Variants in MTUS1 observed in about 807,000 individuals in gnomAD.
MTUS1 encodes microtubule-associated tumor suppressor 1.
MTUS1 carries 109 observed loss-of-function variants against 120.8 expected under a neutral mutation model. The ratio of observed to expected loss-of-function variants is 0.90; its 90% CI spans 0.77 to 1.06. The LOEUF is 1.06. Among genes scored for constraint, MTUS1 ranks in the 50% least tolerant of loss-of-function variants. MTUS1 has a pLI of 0.00. For synonymous variants in MTUS1, 737 were observed against 550.5 expected, an observed-to-expected ratio of 1.34 and a Z score of -4.74; for missense variants, 2,210 against 1,486.3, an observed-to-expected ratio of 1.49 and a Z score of -8.01.
At chr8:17,658,228 G>A (rs1808886759) in intron 8 of MTUS1, among the ~76,000 whole-genome samples, 2 of 152,104 alleles carry the variant, frequency 1.3e-5, no homozygotes, top group Admixed American at 6.6e-5. Context: ...TAGACACATG[G>A]TTTTACCATG....
intron 1 of MTUS1, among the ~76,000 whole-genome samples, chr8:17,778,858 A>C (rs414729): frequency 0.037 from 5,563 of 152,166 alleles, 366 homozygotes; most frequent in African/African-American, 0.13. Flanking sequence ...TCAGACACCA[A>C]ACCAAAGCTA....
chr8:17,703,817 C>T (rs1432762093), intron 6 of MTUS1, among the ~76,000 whole-genome samples: 1 of 151,966 alleles, frequency 6.6e-6, no homozygotes, highest in Non-Finnish European at 1.5e-5. Flanking sequence ...GAACATAGAC[C>T]CTTATCAGGA....
At chr8:17,729,115 C>G (rs995476938) in intron 3 of MTUS1, among the ~76,000 whole-genome samples, 3 of 152,188 alleles carry the variant, frequency 2.0e-5, no homozygotes, top group East Asian at 1.9e-4. Context: ...ATGTCTGTAG[C>G]TATAATTATA....
chr8:17,737,499 A>G (rs1276787648), intron 3 of MTUS1, among the ~76,000 whole-genome samples: 1 of 152,198 alleles, frequency 6.6e-6, no homozygotes, highest in Non-Finnish European at 1.5e-5. Flanking sequence ...AATTTTATTC[A>G]CATTTCAGAG....
At chr8:17,650,977 G>T (rs80242417) in intron 12 of MTUS1, among the ~76,000 whole-genome samples, 1 of 152,158 alleles carries the variant, frequency 6.6e-6, no homozygotes, top group Admixed American at 6.5e-5. Context: ...CCAATCCTTA[G>T]GGAGAATCCA....
intron 2 of MTUS1, among the ~76,000 whole-genome samples, chr8:17,746,248 A>C (rs916804546): frequency 2.0e-5 from 3 of 152,138 alleles, no homozygotes; most frequent in Non-Finnish European, 4.4e-5. Flanking sequence ...CCACGTGTAC[A>C]CTGGTACATC....
At chr8:17,750,580 T>C (rs2048112157) in intron 2 of MTUS1, among the ~76,000 whole-genome samples, 1 of 152,180 alleles carries the variant, frequency 6.6e-6, no homozygotes, top group African/African-American at 2.4e-5. Context: ...ATTTTACTAT[T>C]TACCAGCTGT....
intron 1 of MTUS1, among the ~76,000 whole-genome samples, chr8:17,796,115 A>C (rs1224937904): frequency 6.6e-6 from 1 of 151,408 alleles, no homozygotes; most frequent in Admixed American, 6.6e-5. Flanking sequence ...ACACCCAGCT[A>C]ATTTTTTGTA....
chr8:17,776,596 T>G (rs1205638378), intron 1 of MTUS1, among the ~76,000 whole-genome samples: 1 of 143,352 alleles, frequency 7.0e-6, no homozygotes, highest in Non-Finnish European at 1.5e-5. Flanking sequence ...GCAGAATCAC[T>G]TGAACTCGGG....
chr8:17,774,089 A>G (rs1444246559), intron 1 of MTUS1, among the ~76,000 whole-genome samples: 1 of 152,132 alleles, frequency 6.6e-6, no homozygotes, highest in African/African-American at 2.4e-5. Flanking sequence ...CAAGCATATA[A>G]TCTTCCAAAG....
chr8:17,685,673 G>C (rs1280174825), intron 6 of MTUS1, among the ~76,000 whole-genome samples: 2 of 142,202 alleles, frequency 1.4e-5, no homozygotes, highest in Non-Finnish European at 3.1e-5. Flanking sequence ...TAAATATATT[G>C]AATAAACTAA....
chr8:17,670,597 G>A (rs889155345), intron 8 of MTUS1, among the ~76,000 whole-genome samples: 7 of 152,148 alleles, frequency 4.6e-5, no homozygotes, highest in African/African-American at 7.2e-5. Flanking sequence ...GCCGAGACGG[G>A]CGGATCACTT....
intron 6 of MTUS1, among the ~76,000 whole-genome samples, chr8:17,695,957 G>A (rs770327799): frequency 1.3e-5 from 2 of 152,112 alleles, no homozygotes; most frequent in Non-Finnish European, 2.9e-5. Context: ...CTTCCATACT[G>A]TTTGATTTTT....
At chr8:17,701,921 C>G (rs184916443) in intron 6 of MTUS1, among the ~76,000 whole-genome samples, 13 of 152,266 alleles carry the variant, frequency 8.5e-5, no homozygotes, top group African/African-American at 1.7e-4. Context: ...TTAACATAAG[C>G]TTAATAAACT....
Position 17,741,515 on chromosome 8 carries a change from G to C in MTUS1, c.2287+2089C>G, listed in dbSNP as rs186121177. On this transcript the variant is annotated intron_variant, in intron 3 of 14. Transcript: ENST00000693296. ...GCATAACTCAGTTATCAAGCTCATC[G>C]ACACAGGATGATAAAAGCTCAAAAG... is the stretch of plus-strand genomic sequence containing the variant. Among the ~76,000 whole-genome samples the C allele has an allele frequency of 1.6e-3, 251 of 152,228 alleles. 1 individual carries two copies. The highest frequency in any genetic ancestry group is 5.9e-3 in the African/African-American group (246 of 41,540).
At chr8:17,760,048 TTTC>T (rs1359063554) in intron 1 of MTUS1, among the ~76,000 whole-genome samples, 2 of 138,140 alleles carry the variant, frequency 1.4e-5, no homozygotes, top group East Asian at 4.9e-4. Context: ...ACCTCTACGA[TTTC>T]TTTTCTTTTT....
intron 1 of MTUS1, among the ~76,000 whole-genome samples, chr8:17,777,051 G>A (rs1395913452): frequency 6.6e-6 from 1 of 152,118 alleles, no homozygotes; most frequent in Non-Finnish European, 1.5e-5. Flanking sequence ...CACTGAGGTG[G>A]GTTCCACTAA....
At chr8:17,780,814 C>T (rs407352) in intron 1 of MTUS1, 45,894 of 151,660 alleles carry the variant, frequency 0.3, 9,285 homozygotes, top group African/African-American at 0.55. Context: ...TAATGGCCTC[C>T]TATCACATCT....
chr8:17,691,130 T>C (rs1816860435), intron 6 of MTUS1, among the ~76,000 whole-genome samples: 1 of 152,216 alleles, frequency 6.6e-6, no homozygotes, highest in Non-Finnish European at 1.5e-5. Context: ...ATCCTTCCCA[T>C]TCTGAATGCA....
Sources: allele counts gnomAD v4.1 joint callset (sites outside exome capture counted in the v4.1 genomes callset), GRCh38; gene constraint gnomAD v4.1.1; transcripts MANE v1.5; gene names NCBI Gene and HGNC (gene_info 2026-07-23, HGNC 2026-07-21).